Variants in NEDD4L observed in about 807,000 individuals in gnomAD.
NEDD4L encodes E3 ubiquitin-protein ligase NEDD4-like.
NEDD4L carries 54 observed loss-of-function variants against 148.9 expected under a neutral mutation model. The ratio of observed to expected loss-of-function variants is 0.36; its 90% CI spans 0.29 to 0.45. The LOEUF (loss-of-function observed/expected upper bound fraction) is 0.45. Ranked by LOEUF, NEDD4L falls within the 20% of genes least tolerant of loss-of-function variation. The pLI is 1.00. For missense variants in NEDD4L, 856 were observed against 1,233.8 expected, an observed-to-expected ratio of 0.69 and a Z score of 4.59; for synonymous variants, 433 against 440.7, an observed-to-expected ratio of 0.98 and a Z score of 0.22.
rs1035391268 is a variant in NEDD4L at position 58,328,198 on chromosome 18, C to T, written c.681-797C>T. Among the ~76,000 whole-genome samples, 7 of 152,278 alleles carry T rather than the reference C, an allele frequency of 4.6e-5. No individual in the cohort carries two copies. In the East Asian group the frequency reaches 1.4e-3, roughly 29 times the overall value. ...CAGGTACGTCTTGAGCTCCTGACCT[C>T]AAGTGATCCGCCCGCCTTGGCCTCC... On this transcript the variant is annotated intron_variant, in intron 9 of 30. Coordinates refer to ENST00000400345, the MANE Select transcript of NEDD4L (RefSeq NM_001144967.3).
intron 5 of NEDD4L, among the ~76,000 whole-genome samples, chr18:58,293,990 T>G (rs2055163503): frequency 1.3e-5 from 2 of 152,248 alleles, no homozygotes; most frequent in Non-Finnish European, 2.9e-5. Context: ...CCCAAAGTTC[T>G]GGGATTACAG....
intron 1 of NEDD4L, among the ~76,000 whole-genome samples, chr18:58,162,244 C>A (rs1176768080): frequency 6.6e-6 from 1 of 152,108 alleles, no homozygotes; most frequent in Non-Finnish European, 1.5e-5. Context: ...GCTTCTCCCC[C>A]AGTGGTCGGG....
chr18:58,164,718 C>G (rs945308562), intron 1 of NEDD4L, among the ~76,000 whole-genome samples: 3 of 152,248 alleles, frequency 2.0e-5, no homozygotes, highest in East Asian at 1.9e-4. Flanking sequence ...ATCCGCCTGC[C>G]TCGGCCTCCC....
At chr18:58,241,514 G>A (rs58843234) in intron 2 of NEDD4L, among the ~76,000 whole-genome samples, 1,825 of 150,390 alleles carry the variant, frequency 0.012, 73 homozygotes, top group African/African-American at 0.043. Flanking sequence ...GTATCTGGAT[G>A]GACCAGTGCA....
chr18:58,071,018 G>A (rs1270313568), intron 1 of NEDD4L, among the ~76,000 whole-genome samples: 1 of 151,962 alleles, frequency 6.6e-6, no homozygotes, highest in African/African-American at 2.4e-5. Flanking sequence ...AGGAAGATAT[G>A]TCCCATATAC....
chr18:58,050,311 GA>G (rs138719034), intron 1 of NEDD4L, among the ~76,000 whole-genome samples: 11,314 of 150,244 alleles, frequency 0.075, 568 homozygotes, highest in Middle Eastern at 0.2. Flanking sequence ...ATAAATAAAT[GA>G]AAAAAAAATC....
intron 5 of NEDD4L, among the ~76,000 whole-genome samples, chr18:58,269,845 G>A (rs2050772178): frequency 6.7e-6 from 1 of 149,588 alleles, no homozygotes; most frequent in African/African-American, 2.4e-5. Context: ...TCTAGAGGTG[G>A]GAGATGTCCT....
At chr18:58,140,841 G>A (rs520210) in intron 1 of NEDD4L, among the ~76,000 whole-genome samples, 55,382 of 152,132 alleles carry the variant, frequency 0.36, 10,745 homozygotes, top group Non-Finnish European at 0.44. Flanking sequence ...CATTTGCTCC[G>A]AGTTGTTGCT....
intron 5 of NEDD4L, among the ~76,000 whole-genome samples, chr18:58,306,037 G>A (rs2057018374): frequency 6.6e-6 from 1 of 152,212 alleles, no homozygotes; most frequent in Admixed American, 6.5e-5. Flanking sequence ...AGGGTGAGGA[G>A]TATGTCTTTC....
intron 1 of NEDD4L, among the ~76,000 whole-genome samples, chr18:58,132,479 A>C (rs1456985020): frequency 6.6e-6 from 1 of 152,234 alleles, no homozygotes; most frequent in Non-Finnish European, 1.5e-5. Context: ...ATAATTGCGG[A>C]TCTTCCTTTG....
At chr18:58,171,875 G>C (rs1568324671) in intron 2 of NEDD4L, among the ~76,000 whole-genome samples, 1 of 152,230 alleles carries the variant, frequency 6.6e-6, no homozygotes, top group African/African-American at 2.4e-5. Flanking sequence ...GCAAGCTCAA[G>C]AGTGGGCTCA....
At chr18:58,098,691 T>C (rs1015354285) in intron 1 of NEDD4L, among the ~76,000 whole-genome samples, 2 of 152,184 alleles carry the variant, frequency 1.3e-5, no homozygotes, top group East Asian at 3.8e-4. Context: ...TCTCACACTT[T>C]CCGGAATTAT....
chr18:58,177,607 C>T (rs2038331291), intron 2 of NEDD4L, among the ~76,000 whole-genome samples: 1 of 152,162 alleles, frequency 6.6e-6, no homozygotes, highest in African/African-American at 2.4e-5. Flanking sequence ...GGCCGTGAGG[C>T]TGGTGATCTT....
At chr18:58,245,365 C>G (rs1438578235) in intron 2 of NEDD4L, 62 bp from the exon 3 acceptor site, 1 of 772,194 alleles carries the variant, frequency 1.3e-6, no homozygotes, top group Admixed American at 2.5e-5. Context: ...CATTTAGGTT[C>G]CACTGTTTTC....
chr18:58,123,764 A>G (rs931426489), intron 1 of NEDD4L, among the ~76,000 whole-genome samples: 1 of 152,008 alleles, frequency 6.6e-6, no homozygotes, highest in Non-Finnish European at 1.5e-5. Flanking sequence ...TCATTGAGGA[A>G]AGAAGCCGTT....
At chr18:58,281,953 A>T (rs2053183025) in intron 5 of NEDD4L, among the ~76,000 whole-genome samples, 1 of 151,542 alleles carries the variant, frequency 6.6e-6, no homozygotes, top group Admixed American at 6.6e-5. Flanking sequence ...TGAACCCGGG[A>T]GGCGGAGCTT....
At chr18:58,261,243 A>G (rs2049333968) in intron 5 of NEDD4L, among the ~76,000 whole-genome samples, 1 of 152,240 alleles carries the variant, frequency 6.6e-6, no homozygotes, top group Non-Finnish European at 1.5e-5. Flanking sequence ...GCATTATAGA[A>G]AAGGACTCGT....
chr18:58,091,623 CGTAA>C (rs1303340096), intron 1 of NEDD4L: 6 of 152,088 alleles, frequency 3.9e-5, no homozygotes, highest in East Asian at 1.9e-4. Context: ...CAGCCTAGAG[CGTAA>C]GTAAGTATTT....
rs1476319968 is a variant in NEDD4L, at chr18:58,398,470, A to C, written c.*2201A>C. ...ATATTGAAAAAAACAGAATGTCACT[A>C]AATGCATATTAAGTCAAGTATTGGA... On this transcript the variant is annotated 3_prime_UTR_variant, in exon 31 of 31. Coordinates refer to ENST00000400345, the MANE Select transcript of NEDD4L (RefSeq NM_001144967.3). 2 of 152,198 alleles carry C rather than the reference A, an allele frequency of 1.3e-5. No individual in the cohort carries two copies. The highest frequency in any genetic ancestry group is 1.9e-4 in the East Asian group (1 of 5,204). The allele number at this position is 152,198 out of a possible 1,614,324, so 9.4% of individuals were successfully genotyped here. A position where few individuals can be genotyped will look rare whatever the true frequency, so the allele number is the denominator to read the frequency against.
Sources: gnomAD v4.1 joint callset for allele counts (sites outside exome capture counted in the v4.1 genomes callset) on GRCh38, gnomAD v4.1.1 for gene constraint, MANE v1.5 for transcripts, NCBI Gene and HGNC (gene_info 2026-07-23, HGNC 2026-07-21) for gene names.